Variants in NFKBIZ observed in about 807,000 individuals in gnomAD.
The protein encoded by NFKBIZ is NFKB inhibitor zeta.
NFKBIZ carries 19 observed loss-of-function variants against 76.8 expected under a neutral mutation model. That is an observed-to-expected ratio of 0.25 (90% confidence interval 0.17 to 0.36). NFKBIZ has a LOEUF of 0.36. NFKBIZ is among the 10% of genes least tolerant of loss of function. The pLI, the probability that NFKBIZ is intolerant of heterozygous loss-of-function variation, is 1.00. For missense variants in NFKBIZ, 829 were observed against 910.9 expected (o/e 0.91, Z 1.16); for synonymous variants, 368 against 354.8 (o/e 1.04, Z -0.42).
chr3:101,858,259 A>G lies in NFKBIZ; in HGVS notation c.2103+800A>G. 5 of 978,176 alleles carry G rather than the reference A, an allele frequency of 5.1e-6. No individual in the cohort carries two copies. In the South Asian group the frequency reaches 1.9e-4, roughly 37 times the overall value. The allele number at this position is 978,176 out of a possible 1,614,324, so 60.6% of individuals were successfully genotyped here. The stretch of plus-strand genomic sequence containing the variant: ...GAGCTGTCATTATGACCATAATGTT[A>G]TAGTAGCCCCTATTTATAGAGCTCT... On this transcript the variant is annotated intron_variant, in intron 11 of 11. Transcript: ENST00000326172.
At chr3:101,857,776 C>G in intron 11 of NFKBIZ, 4 of 985,266 alleles carry the variant, frequency 4.1e-6, no homozygotes, top group Non-Finnish European at 4.8e-6. Flanking sequence ...CTGCAGATAC[C>G]AAGGAAAGAG....
intron 2 of NFKBIZ, among the ~76,000 whole-genome samples, chr3:101,834,612 C>T (rs1459143522): frequency 6.6e-6 from 1 of 152,230 alleles, no homozygotes; most frequent in African/African-American, 2.4e-5. Context: ...CCACCCGCCT[C>T]AGCCTCCCAA....
rs776907939 is a variant in NFKBIZ, at chr3:101,859,298, T to A, written c.2104-20T>A. The A allele has an allele frequency of 1.9e-6, 3 of 1,610,172 alleles. No homozygotes were observed. The highest frequency in any genetic ancestry group is 1.7e-6 in the Non-Finnish European group (2 of 1,176,702). ...GCCATAAGAAATAAACCTCACAAAT[T>A]TTATTTGTTTCTCTTCCAGATCCGA... is the stretch of plus-strand genomic sequence containing the variant. On this transcript the variant is annotated intron_variant, in intron 11 of 11. Transcript: ENST00000326172.
intron 2 of NFKBIZ, among the ~76,000 whole-genome samples, chr3:101,831,954 G>A (rs1035858042): frequency 9.2e-5 from 14 of 152,064 alleles, no homozygotes; most frequent in African/African-American, 3.4e-4. Flanking sequence ...AAGCTGGAGT[G>A]CAGTGGCATG....
chr3:101,837,586 G>C (rs1465703191), intron 2 of NFKBIZ, among the ~76,000 whole-genome samples: 2 of 151,952 alleles, frequency 1.3e-5, no homozygotes, highest in African/African-American at 4.8e-5. Flanking sequence ...ATACCTGTCA[G>C]GTGGAAAACA....
chr3:101,857,173 T>C lies in NFKBIZ; in HGVS notation c.1925T>C (p.Val642Ala). 2.9e-6 allele frequency: 1 copy of C among 339,408 alleles called. No homozygotes were observed. The highest frequency in any genetic ancestry group is 5.8e-5 in the East Asian group (1 of 17,344). 21.0% of individuals were successfully genotyped at this position (339,408 alleles called of 1,614,324 possible). ...GAGCTGCCCAGTTGCCTGTCTTTTG[T>C]GAATGCAAAGGTACACCAGAGTTGG... Reference protein sequence around the residue: ...FLELPSCLSFVNAKAYNGNTA... With the variant: ...FLELPSCLSFANAKAYNGNTA... The change falls in exon 10 of 12, where the codon GTG becomes GCG. Residue 642 changes from valine to alanine, a missense_variant. Coordinates refer to ENST00000326172, the MANE Select transcript of NFKBIZ (RefSeq NM_031419.4).
intron 2 of NFKBIZ, among the ~76,000 whole-genome samples, chr3:101,834,244 C>T (rs2107394684): frequency 6.6e-6 from 1 of 152,226 alleles, no homozygotes; most frequent in Non-Finnish European, 1.5e-5. Context: ...CTATTATCCT[C>T]AAGGCCTTGG....
rs962555144 is a variant in NFKBIZ, at chr3:101,849,575, C to G, written c.-54C>G. ...TGAGCCAGCCCGGGAGGCAGCCGCG[C>G]GCAGCGAGCCGGTGGCGCAGGTGTC... On this transcript the variant is annotated 5_prime_UTR_variant, in exon 1 of 12. Coordinates refer to ENST00000326172, the MANE Select transcript of NFKBIZ (RefSeq NM_031419.4). The G allele has an allele frequency of 2.3e-6, 3 of 1,290,022 alleles. No individual in the cohort carries two copies. The highest frequency in any genetic ancestry group is 2.0e-6 in the Non-Finnish European group (2 of 1,019,776). The allele number at this position is 1,290,022 out of a possible 1,614,324, so 79.9% of individuals were successfully genotyped here.
At chr3:101,849,458 GGAGGTCGGC>G (rs1942909715), upstream of NFKBIZ, 3 of 470,614 alleles carry the variant, frequency 6.4e-6, no homozygotes, top group Non-Finnish European at 1.0e-5. Context: ...CGGGCGCCGG[GGAGGTCGGC>G]GAGCGCTGCG....
upstream of NFKBIZ, chr3:101,849,242 CGGGAA>C: frequency 1.9e-5 from 3 of 160,704 alleles, no homozygotes; most frequent in Non-Finnish European, 4.0e-5. Context: ...AGGCGGGAGG[CGGGAA>C]GCGGGAGGCT....
chr3:101,855,294 G>T (rs1349268041), intron 7 of NFKBIZ, 86 bp downstream of exon 7: 6 of 1,603,082 alleles, frequency 3.7e-6, no homozygotes, highest in Middle Eastern at 1.7e-4. Context: ...GTTGCCTGTT[G>T]CAATGATCTA....
chr3:101,857,351 A>G lies in NFKBIZ; in HGVS notation c.1995A>G (p.Gln665=), dbSNP rs146367624. The G allele has an allele frequency of 1.9e-6, 3 of 1,614,100 alleles. No individual in the cohort carries two copies. The highest frequency in any genetic ancestry group is 1.3e-5 in the African/African-American group (1 of 74,918). ...CCAGCTTGCAGTATCGGTTGACACA[A>G]TTAGATGCTGTCCGCCTGTTGATGA... ...VAASLQYRLT[Q]LDAVRLLMRK... The change falls in exon 11 of 12, where the codon CAA becomes CAG. Residue 665 remains glutamine, a synonymous_variant. Transcript: ENST00000326172.
upstream of NFKBIZ, chr3:101,849,476 C>G: frequency 1.7e-6 from 1 of 596,288 alleles, no homozygotes; most frequent in Non-Finnish European, 2.4e-6. Context: ...GCGAGCGCTG[C>G]GGCCCGTTAA....
At chr3:101,855,956 C>T in intron 9 of NFKBIZ, 54 bp downstream of exon 9, 1 of 1,461,674 alleles carries the variant, frequency 6.8e-7, no homozygotes, top group South Asian at 1.3e-5. Flanking sequence ...GGTTATATAG[C>T]AAAAGACCTT....
In NFKBIZ at chr3:101,849,937, C is replaced by T. The variant is rs1010924529; in HGVS notation, c.289+20C>T. ...AGCCAGGTACCCGCCGGCCCCGCACCGCTGCGTACTCGGGGCGCGCACGCC... is the reference window on the plus strand; with the variant it reads ...AGCCAGGTACCCGCCGGCCCCGCACTGCTGCGTACTCGGGGCGCGCACGCC... On this transcript the variant is annotated intron_variant, in intron 1 of 11. Transcript: ENST00000326172. 1.2e-5 allele frequency: 17 copies of T among 1,372,780 alleles called. No individual in the cohort carries two copies. In the African/African-American group the frequency reaches 1.5e-4, roughly 12 times the overall value. 85.0% of individuals were successfully genotyped at this position (1,372,780 alleles called of 1,614,324 possible). A position where few individuals can be genotyped will look rare whatever the true frequency, so the allele number is the denominator to read the frequency against.
chr3:101,858,201 C>T (rs749302429), intron 11 of NFKBIZ: 37 of 985,112 alleles, frequency 3.8e-5, no homozygotes, highest in East Asian at 1.1e-4. Context: ...AAATAAAATA[C>T]GTGGAATGCA....
At chr3:101,852,370 T>TCTC in intron 2 of NFKBIZ, 146 bp downstream of exon 2, 1 of 1,033,802 alleles carries the variant, frequency 9.7e-7, no homozygotes, top group Non-Finnish European at 1.4e-6. Flanking sequence ...GAGACCATAT[T>TCTC]TGTCTGGTCT....
intron 2 of NFKBIZ, 113 bp from the exon 3 acceptor site, chr3:101,852,625 T>G (rs1942984117): frequency 5.7e-6 from 4 of 698,974 alleles, no homozygotes. Flanking sequence ...AGAAAAACCA[T>G]ATCAGAGATT....
Position 101,854,501 on chromosome 3 carries a change from A to T in NFKBIZ, c.1338-77A>T, listed in dbSNP as rs116661846. 6.3e-3 allele frequency: 4,324 copies of T among 689,284 alleles called. 139 individuals carry two copies. The African/African-American group carries it at 0.068, about 11-fold the overall frequency. The allele number at this position is 689,284 out of a possible 1,614,324, so 42.7% of individuals were successfully genotyped here. A position where few individuals can be genotyped will look rare whatever the true frequency, so the allele number is the denominator to read the frequency against. Reference sequence around the variant, plus strand: ...TATATAAAAAGGGGGCTAAAGGAAGATTTTTTTTTTTTTTTCAAAAGAACA... The same window carrying T: ...TATATAAAAAGGGGGCTAAAGGAAGTTTTTTTTTTTTTTTTCAAAAGAACA... On this transcript the variant is annotated intron_variant, in intron 5 of 11. Transcript: ENST00000326172.
Sources: gnomAD v4.1 joint callset for allele counts (sites outside exome capture counted in the v4.1 genomes callset) on GRCh38, gnomAD v4.1.1 for gene constraint, MANE v1.5 for transcripts, NCBI Gene and HGNC (gene_info 2026-07-23, HGNC 2026-07-21) for gene names.